TAF4: variants seen among roughly 807,000 people sequenced by gnomAD.
The protein encoded by TAF4 is TATA-box binding protein associated factor 4, also known as transcription initiation factor TFIID subunit 4.
A neutral mutation model predicts 90.3 loss-of-function variants in TAF4; 9 were observed. The ratio of observed to expected loss-of-function variants is 0.10; its 90% CI spans 0.06 to 0.17. TAF4 has a LOEUF of 0.17. Ranked by LOEUF, TAF4 falls within the 10% of genes least tolerant of loss-of-function variation. TAF4 has a pLI of 1.00. For missense variants in TAF4, 1,351 were observed against 1,370.7 expected (o/e 0.99, Z 0.23); for synonymous variants, 818 against 638.9 (o/e 1.28, Z -4.23).
At position 61,996,762 on chromosome 20, in the gene TAF4, G is replaced by A. The variant is rs533104112; in HGVS notation, c.3090+788C>T. Among the ~76,000 whole-genome samples, 118 of 149,104 alleles carry A rather than the reference G, an allele frequency of 7.9e-4. 2 individuals are homozygous for A. In the South Asian group the frequency reaches 0.024, roughly 30 times the overall value. On this transcript the variant is annotated intron_variant, in intron 14 of 14. Transcript: ENST00000252996. ...TGCAGTGAGCCAACATCACGCCACTGCGCTCCCACCTGGCGACAGAGCAAG... is the reference window on the plus strand; with the variant it reads ...TGCAGTGAGCCAACATCACGCCACTACGCTCCCACCTGGCGACAGAGCAAG...
intron 9 of TAF4, among the ~76,000 whole-genome samples, chr20:62,002,910 G>A (rs1006192616): frequency 6.6e-6 from 1 of 152,222 alleles, no homozygotes; most frequent in African/African-American, 2.4e-5. Flanking sequence ...TTTCCTATTA[G>A]TTCATATAAA....
At chr20:62,014,162 C>T (rs932867456) in intron 2 of TAF4, among the ~76,000 whole-genome samples, 1 of 152,020 alleles carries the variant, frequency 6.6e-6, no homozygotes, top group African/African-American at 2.4e-5. Flanking sequence ...GCGCTGGTGG[C>T]GGTCCTGCCA....
chr20:62,011,856 G>A (rs910116773), intron 3 of TAF4, among the ~76,000 whole-genome samples: 2 of 152,196 alleles, frequency 1.3e-5, no homozygotes, highest in Admixed American at 1.3e-4. Context: ...ACGCATCCAC[G>A]GATGCTCACA....
At chr20:61,997,153 C>T (rs946018091) in intron 14 of TAF4, among the ~76,000 whole-genome samples, 14 of 152,176 alleles carry the variant, frequency 9.2e-5, no homozygotes, top group Admixed American at 7.2e-4. Flanking sequence ...GAAACAGCAG[C>T]GGGCAGCAAT....
chr20:61,990,219 C>G (rs950862319), intron 14 of TAF4, among the ~76,000 whole-genome samples: 1 of 152,110 alleles, frequency 6.6e-6, no homozygotes, highest in Non-Finnish European at 1.5e-5. Flanking sequence ...CAGGAGTGCA[C>G]GCAAACACAT....
At position 62,012,796 on chromosome 20, in the gene TAF4, C is replaced by A. The variant is rs1444010392; in HGVS notation, c.1641+19G>T. The A allele has an allele frequency of 3.1e-6, 5 of 1,603,572 alleles. No homozygotes were observed. The highest frequency in any genetic ancestry group is 4.2e-6 in the Non-Finnish European group (5 of 1,176,850). ...CGTGGCCCCTGCAGCCTCAAGAGAT[C>A]CGCCGCCTGCCCTCTCACCTGGACG... On this transcript the variant is annotated intron_variant, in intron 3 of 14. Transcript: ENST00000252996.
chr20:62,032,808 A>G (rs1407044791), intron 1 of TAF4, among the ~76,000 whole-genome samples: 1 of 152,178 alleles, frequency 6.6e-6, no homozygotes, highest in East Asian at 1.9e-4. Context: ...GCCAACCAGC[A>G]CACACTGGGC....
At chr20:62,039,208 C>T (rs2055950370) in intron 1 of TAF4, among the ~76,000 whole-genome samples, 1 of 152,218 alleles carries the variant, frequency 6.6e-6, no homozygotes, top group Non-Finnish European at 1.5e-5. Context: ...CATCAACACT[C>T]CCTCTAAATG....
chr20:62,051,138 C>A (rs1224740126), intron 1 of TAF4, among the ~76,000 whole-genome samples: 4 of 152,216 alleles, frequency 2.6e-5, no homozygotes, highest in Admixed American at 6.5e-5. Flanking sequence ...AAGTGGAAGG[C>A]AGGGTGCAGG....
chr20:61,978,075 G>T (rs2055507705), intron 14 of TAF4, among the ~76,000 whole-genome samples: 1 of 132,432 alleles, frequency 7.6e-6, no homozygotes, highest in South Asian at 2.4e-4. Context: ...CACCAACCAA[G>T]GGAGGGCGCG....
At chr20:62,003,587 G>A in intron 8 of TAF4, 144 bp downstream of exon 8, 1 of 921,384 alleles carries the variant, frequency 1.1e-6, no homozygotes. Context: ...CACAGTAAAT[G>A]AAATCAGTGC....
intron 1 of TAF4, among the ~76,000 whole-genome samples, chr20:62,023,700 A>ATC (rs1221244816): frequency 7.0e-6 from 1 of 143,690 alleles, no homozygotes; most frequent in Non-Finnish European, 1.5e-5. Context: ...GTGAGCCGAG[A>ATC]CCATGCCACT....
intron 2 of TAF4, among the ~76,000 whole-genome samples, chr20:62,013,721 G>C (rs1180165889): frequency 2.0e-5 from 3 of 152,246 alleles, no homozygotes; most frequent in Non-Finnish European, 4.4e-5. Context: ...CACAGTGCCA[G>C]GGAAACACGG....
At chr20:61,986,615 T>C (rs13041784) in intron 14 of TAF4, among the ~76,000 whole-genome samples, 70,246 of 152,212 alleles carry the variant, frequency 0.46, 17,385 homozygotes, top group Middle Eastern at 0.64. Flanking sequence ...GAACATTCTG[T>C]GGTGTCATAA....
chr20:61,986,309 C>A (rs1386841556), intron 14 of TAF4, among the ~76,000 whole-genome samples: 42 of 58,074 alleles, frequency 7.2e-4, no homozygotes, highest in South Asian at 1.3e-3. Flanking sequence ...CACCATCCCC[C>A]ATCAAAGGAA....
At chr20:61,996,306 C>T (rs1046902587) in intron 14 of TAF4, among the ~76,000 whole-genome samples, 8 of 150,308 alleles carry the variant, frequency 5.3e-5, no homozygotes, top group Non-Finnish European at 7.4e-5. Context: ...CACCTGAGCC[C>T]GGGGATGTCG....
At chr20:61,991,350 T>C (rs993128789) in intron 14 of TAF4, among the ~76,000 whole-genome samples, 2 of 149,324 alleles carry the variant, frequency 1.3e-5, no homozygotes. Context: ...GAGGCAGAGG[T>C]TGCCATGAGC....
chr20:62,057,441 C>A (rs1055662068), intron 1 of TAF4, among the ~76,000 whole-genome samples: 1 of 152,270 alleles, frequency 6.6e-6, no homozygotes, highest in Non-Finnish European at 1.5e-5. Flanking sequence ...AAAACTGTTT[C>A]TGGGGTTTCC....
At chr20:62,057,409 A>G (rs1165904543) in intron 1 of TAF4, among the ~76,000 whole-genome samples, 1 of 152,198 alleles carries the variant, frequency 6.6e-6, no homozygotes, top group African/African-American at 2.4e-5. Flanking sequence ...CTAAAACCTA[A>G]TGTCAAATTT....
Sources: gnomAD v4.1 joint callset for allele counts (sites outside exome capture counted in the v4.1 genomes callset) on GRCh38, gnomAD v4.1.1 for gene constraint, MANE v1.5 for transcripts, NCBI Gene and HGNC (gene_info 2026-07-23, HGNC 2026-07-21) for gene names.